Variants in PDK4 observed in about 807,000 individuals in gnomAD.
PDK4 encodes the protein pyruvate dehydrogenase kinase, isozyme 4.
A neutral mutation model predicts 51.7 loss-of-function variants in PDK4; 43 were observed. The observed-to-expected ratio is 0.83, with a 90% CI of 0.65 to 1.07. PDK4 has a LOEUF of 1.07. PDK4 is among the 50% of genes least tolerant of loss of function. PDK4 has a pLI of 0.00. For synonymous variants in PDK4, 170 were observed against 176.6 expected, an observed-to-expected ratio of 0.96 and a Z score of 0.30; for missense variants, 498 against 503.5, an observed-to-expected ratio of 0.99 and a Z score of 0.10.
intron 10 of PDK4, 155 bp downstream of exon 10, chr7:95,586,855 T>C (rs1791488573): frequency 3.7e-6 from 2 of 536,524 alleles, no homozygotes; most frequent in Non-Finnish European, 6.6e-6. Flanking sequence ...TATTAAATAA[T>C]GTACACACAC....
In PDK4 at chr7:95,596,421, T is replaced by C. The variant is rs1014703543; in HGVS notation, c.-128A>G. 45 of 1,038,554 alleles carry C rather than the reference T, an allele frequency of 4.3e-5. No homozygotes were observed. Among genetic ancestry groups the C allele is most frequent in the Non-Finnish European group, 5.9e-5 (45 of 763,586 alleles). The allele number at this position is 1,038,554 out of a possible 1,614,324, so 64.3% of individuals were successfully genotyped here. ...GACTGCAGGTGCGCTGGCTGGCTTG[T>C]GCGCCCCGGCCTGGGCTGGGGTTTG... On this transcript the variant is annotated 5_prime_UTR_variant, in exon 1 of 11. Transcript: ENST00000005178.
chr7:95,586,194 G>GTTTTTTT (rs11377701), intron 10 of PDK4, among the ~76,000 whole-genome samples: 1,600 of 120,666 alleles, frequency 0.013, 94 homozygotes, highest in African/African-American at 0.043. Flanking sequence ...ATGCACCAAG[G>GTTTTTTT]TTTTTTTTTT....
At chr7:95,596,126 A>G (rs903352876) in intron 1 of PDK4, 38 bp downstream of exon 1, 12 of 1,566,372 alleles carry the variant, frequency 7.7e-6, no homozygotes, top group Non-Finnish European at 1.0e-5. Flanking sequence ...CAGTTCCCCA[A>G]CCCTAGGACC....
At chr7:95,586,175 CA>C (rs1011778361) in intron 10 of PDK4, among the ~76,000 whole-genome samples, 12 of 143,136 alleles carry the variant, frequency 8.4e-5, no homozygotes. Context: ...TTACCAGAAA[CA>C]GGAAAATATG....
At position 95,589,685 on chromosome 7, in the gene PDK4, C is replaced by T. The variant is rs752883045; in HGVS notation, c.726G>A (p.Val242=). ...TATGATGGAGGTGAGAAGGAACATA[C>T]ACGATGTGAATTGGTTGGTCTGGAA... The part of the protein sequence containing the change: ...GKFPDQPIHI[V]YVPSHLHHML... The change falls in exon 7 of 11, where the codon GTG becomes GTA. Residue 242 remains valine (V), a synonymous_variant. Coordinates refer to ENST00000005178, the MANE Select transcript of PDK4 (RefSeq NM_002612.4). 8.2e-6 allele frequency: 13 copies of T among 1,589,358 alleles called. No individual in the cohort carries two copies. In the East Asian group the frequency reaches 2.2e-4, roughly 27 times the overall value.
Position 95,587,818 on chromosome 7 carries a change from A to G in PDK4, c.779T>C (p.Met260Thr), listed in dbSNP as rs764196920. ...HMLFELFKNA[M>T]RATVEHQENQ... Reference sequence around the variant, plus strand: ...TTCCTGGTGTTCAACTGTTGCCCGCATTGCATTCTAAAACAAAGCAAACCA... The same window carrying G: ...TTCCTGGTGTTCAACTGTTGCCCGCGTTGCATTCTAAAACAAAGCAAACCA... Residue 260 changes from methionine (M) to threonine (T), a missense_variant, in exon 8 of 11, where the codon ATG (methionine) becomes ACG (threonine). Transcript: ENST00000005178. The G allele has an allele frequency of 2.5e-6, 4 of 1,608,012 alleles. No individual in the cohort carries two copies. The highest frequency in any genetic ancestry group is 3.4e-6 in the Non-Finnish European group (4 of 1,174,516).
intron 3 of PDK4, 41 bp from the exon 4 acceptor site, chr7:95,592,985 T>A (rs1200249591): frequency 7.4e-7 from 1 of 1,356,690 alleles, no homozygotes; most frequent in Non-Finnish European, 1.0e-6. Flanking sequence ...TTCAAATACG[T>A]TTCATTCACT....
chr7:95,593,541 G>A (rs1008839941), intron 3 of PDK4, among the ~76,000 whole-genome samples, 158 bp downstream of exon 3: 2 of 151,940 alleles, frequency 1.3e-5, no homozygotes, highest in African/African-American at 4.8e-5. Context: ...ATATTTCTTC[G>A]CTTCTGAAAA....
Position 95,592,587 on chromosome 7 carries a change from A to G in PDK4, c.540T>C (p.Phe180=), listed in dbSNP as rs762058586. Residue 180 remains phenylalanine, a synonymous_variant, in exon 5 of 11, where the codon TTT becomes TTC. Transcript: ENST00000005178. ...TTGGGTTTCCTGTCTGTGAGTCACT[A>G]AATATAAGAACTGTTGAAAAATAAA... ...RMLMNQHILI[F]SDSQTGNPSH... is the part of the protein sequence containing the mutation. 9 of 1,601,710 alleles carry G rather than the reference A, an allele frequency of 5.6e-6. No homozygotes were observed. The highest frequency in any genetic ancestry group is 6.0e-6 in the Non-Finnish European group (7 of 1,168,814).
At position 95,585,571 on chromosome 7, in the gene PDK4, CACAA is replaced by C. The variant is rs1791470748; in HGVS notation, c.*66_*69del. The C allele has an allele frequency of 8.0e-6, 11 of 1,377,040 alleles. No individual in the cohort carries two copies. The highest frequency in any genetic ancestry group is 1.4e-5 in the African/African-American group (1 of 69,592). The allele number at this position is 1,377,040 out of a possible 1,614,324, so 85.3% of individuals were successfully genotyped here. On this transcript the variant is annotated 3_prime_UTR_variant, in exon 11 of 11. Coordinates refer to ENST00000005178, the MANE Select transcript of PDK4 (RefSeq NM_002612.4). Reference sequence around the variant, plus strand: ...GTTTTGGAGGAAACAAGGGTTCACACACAAACATTCAGGAAGCAGCACTGGTGTA... The same window carrying C: ...GTTTTGGAGGAAACAAGGGTTCACACACATTCAGGAAGCAGCACTGGTGTA...
chr7:95,593,625 G>T, intron 3 of PDK4, 74 bp downstream of exon 3: 1 of 758,722 alleles, frequency 1.3e-6, no homozygotes. Context: ...TTTAATTTAG[G>T]TCTAAAAATA....
At position 95,585,377 on chromosome 7, in the gene PDK4, T is replaced by C. The variant is rs1334344299; in HGVS notation, c.*264A>G. ...AAAACAGATGGAAAACTGAGGCTTA[T>C]TTCTTCAGGATTTGATATAAACTCA... On this transcript the variant is annotated 3_prime_UTR_variant, in exon 11 of 11. Coordinates refer to ENST00000005178, the MANE Select transcript of PDK4 (RefSeq NM_002612.4). 1 of 292,790 alleles carries C rather than the reference T, an allele frequency of 3.4e-6. No homozygotes were observed. Among genetic ancestry groups the C allele is most frequent in the Non-Finnish European group, 6.3e-6 (1 of 159,042 alleles). The allele number at this position is 292,790 out of a possible 1,614,324, so 18.1% of individuals were successfully genotyped here. A position where few individuals can be genotyped will look rare whatever the true frequency, so the allele number is the denominator to read the frequency against.
intron 7 of PDK4, among the ~76,000 whole-genome samples, chr7:95,588,142 C>A (rs1161902336): frequency 1.3e-5 from 2 of 152,072 alleles, no homozygotes; most frequent in African/African-American, 4.8e-5. Context: ...CATTTCCTAG[C>A]TCTCCCTTTT....
intron 1 of PDK4, 72 bp downstream of exon 1, chr7:95,596,092 C>A: frequency 6.8e-7 from 1 of 1,474,362 alleles, no homozygotes; most frequent in South Asian, 1.4e-5. Flanking sequence ...CTAGCCCTCC[C>A]TCTACCAAGG....
chr7:95,593,024 C>A, intron 3 of PDK4, 80 bp from the exon 4 acceptor site: 1 of 956,244 alleles, frequency 1.0e-6, no homozygotes. Context: ...TCACAGAAGG[C>A]TAAAGTTTTT....
At position 95,595,179 on chromosome 7, in the gene PDK4, A is replaced by C. The variant is rs1348515598; in HGVS notation, c.131-15T>G. On this transcript the variant is annotated splice_polypyrimidine_tract_variant and intron_variant, in intron 1 of 10. Transcript: ENST00000005178. ...ATTTTCTGAACCTATAATAAATGAA[A>C]TCAATTTAGTTTTGAGAAAAAGTGT... 4.4e-6 allele frequency: 7 copies of C among 1,599,076 alleles called. No individual in the cohort carries two copies. The highest frequency in any genetic ancestry group is 6.0e-6 in the Non-Finnish European group (7 of 1,167,528).
intron 6 of PDK4, among the ~76,000 whole-genome samples, chr7:95,590,731 T>C (rs1266262119): frequency 1.3e-5 from 2 of 152,240 alleles, no homozygotes; most frequent in African/African-American, 2.4e-5. Flanking sequence ...ACAAAAACTG[T>C]TCCTGTATAA....
At position 95,586,126 on chromosome 7, in the gene PDK4, C is replaced by G. The variant is rs933706929; in HGVS notation, c.1096-345G>C. Among the ~76,000 whole-genome samples the G allele has an allele frequency of 2.7e-5, 4 of 150,286 alleles. No homozygotes were observed. In the East Asian group the frequency reaches 7.9e-4, roughly 30 times the overall value. ...TCAGTTGAAATAGTCAGCAAATGAA[C>G]AGAATCAAGACAGTGATCTTAACAA... On this transcript the variant is annotated intron_variant, in intron 10 of 10. Coordinates refer to ENST00000005178, the MANE Select transcript of PDK4 (RefSeq NM_002612.4).
intron 7 of PDK4, among the ~76,000 whole-genome samples, chr7:95,589,128 A>C (rs1791521369): frequency 6.6e-6 from 1 of 152,206 alleles, no homozygotes; most frequent in South Asian, 2.1e-4. Flanking sequence ...ACTTTAACTA[A>C]GTCCCCAGGT....
Sources: allele counts gnomAD v4.1 joint callset (sites outside exome capture counted in the v4.1 genomes callset), GRCh38; gene constraint gnomAD v4.1.1; transcripts MANE v1.5; gene names NCBI Gene and HGNC (gene_info 2026-07-23, HGNC 2026-07-21).